The following ETV7 variants were observed in gnomAD, a reference collection of about 807,000 sequenced individuals.
ETV7 encodes the protein ETS variant transcription factor 7.
In ETV7, 43 loss-of-function variants were observed where a neutral mutation model predicts 39.1. The ratio of observed to expected loss-of-function variants is 1.10; its 90% CI spans 0.86 to 1.42. The LOEUF (loss-of-function observed/expected upper bound fraction) is 1.42. ETV7 is among the 40% of genes most tolerant of loss of function. The pLI is 0.00. For missense variants in ETV7, 432 were observed against 442.3 expected, an observed-to-expected ratio of 0.98 and a Z score of 0.21; for synonymous variants, 196 against 176.6, an observed-to-expected ratio of 1.11 and a Z score of -0.87.
intron 2 of ETV7, among the ~76,000 whole-genome samples, chr6:36,377,069 G>A (rs1028999838): frequency 2.6e-5 from 4 of 152,142 alleles, no homozygotes; most frequent in African/African-American, 7.2e-5. Flanking sequence ...ACTTTGCCTG[G>A]GACTGCTACG....
chr6:36,354,181 T>C (rs961248587), exon 8 of ETV7: 2 of 145,062 alleles, frequency 1.4e-5, no homozygotes, highest in African/African-American at 2.6e-5. Flanking sequence ...TTGGAGATAT[T>C]TTCTCCCATC....
At chr6:36,371,303 T>C (rs757328563) in intron 5 of ETV7, 27 bp downstream of exon 5, 4 of 1,554,982 alleles carry the variant, frequency 2.6e-6, no homozygotes, top group South Asian at 2.3e-5. Context: ...GCACCTTCCA[T>C]GGCCAGAGGA....
Position 36,373,561 on chromosome 6 carries a change from G to T in ETV7, c.325C>A (p.Leu109Met). 1.1e-6 allele frequency: 1 copy of T among 946,404 alleles called. No homozygotes were observed. Among genetic ancestry groups the T allele is most frequent in the Admixed American group, 2.7e-5 (1 of 37,520 alleles). The allele number at this position is 946,404 out of a possible 1,614,324, so 58.6% of individuals were successfully genotyped here. The change falls in exon 4 of 8, where the codon CTG (leucine) becomes ATG (methionine). Residue 109 changes from leucine (L) to methionine (M), a missense_variant. Coordinates refer to ENST00000340181, the MANE Select transcript of ETV7 (RefSeq NM_016135.4). ...CGCTGGGTCTTGATGTACTGGAGCA[G>T]CTCATACAGGACGTCACCTGGAGGT... Reference protein sequence around the residue: ...APSSGDVLYELLQYIKTQRRA... With the variant: ...APSSGDVLYEMLQYIKTQRRA...
exon 8 of ETV7, chr6:36,354,671 T>A: frequency 1.4e-6 from 1 of 699,098 alleles, no homozygotes; most frequent in Non-Finnish European, 2.6e-6. Context: ...AATATGAAGA[T>A]CAGCTGAAGT....
At chr6:36,364,453 C>T (rs917091855), downstream of ETV7, among the ~76,000 whole-genome samples, 9 of 152,252 alleles carry the variant, frequency 5.9e-5, no homozygotes, top group African/African-American at 2.2e-4. Context: ...CCCAGTACAC[C>T]CTCCGCAGCC....
intron 4 of ETV7, among the ~76,000 whole-genome samples, chr6:36,372,450 T>A (rs1285804680): frequency 6.6e-6 from 1 of 151,716 alleles, no homozygotes; most frequent in East Asian, 1.9e-4. Flanking sequence ...CTTCTGAAAC[T>A]CTCTGTGCTG....
downstream of ETV7, among the ~76,000 whole-genome samples, chr6:36,364,267 G>A (rs557345770): frequency 2.0e-5 from 3 of 152,354 alleles, no homozygotes; most frequent in South Asian, 2.1e-4. Context: ...GGGACTGGGC[G>A]CTGTGGAGCA....
chr6:36,360,763 C>T (rs1165148927), intron 7 of ETV7, among the ~76,000 whole-genome samples: 1 of 152,168 alleles, frequency 6.6e-6, no homozygotes, highest in Non-Finnish European at 1.5e-5. Context: ...GTCTCCCTGA[C>T]CCCCTCAAGG....
At chr6:36,376,996 G>C (rs879743429) in intron 2 of ETV7, among the ~76,000 whole-genome samples, 1 of 152,142 alleles carries the variant, frequency 6.6e-6, no homozygotes, top group Non-Finnish European at 1.5e-5. Context: ...CTCACCTTCA[G>C]TGCATGTGTT....
intron 7 of ETV7, 24 bp from the exon 8 acceptor site, chr6:36,366,786 A>C (rs1772745348): frequency 6.2e-7 from 1 of 1,613,830 alleles, no homozygotes; most frequent in Admixed American, 1.7e-5. Context: ...CCCAACTGCA[A>C]ATCAGCTCCT....
In ETV7 at chr6:36,366,265, T is replaced by A; in HGVS notation, c.*380A>T. On this transcript the variant is annotated 3_prime_UTR_variant, in exon 8 of 8. Transcript: ENST00000340181. ...GGAAGCACTAACACTTTTTCCCATT[T>A]CCTGCCTCAGCCCATTTCACAGGTG... 2 of 1,056,766 alleles carry A rather than the reference T, an allele frequency of 1.9e-6. No individual in the cohort carries two copies. Among genetic ancestry groups the A allele is most frequent in the South Asian group, 3.7e-5 (1 of 27,056 alleles). 65.5% of individuals were successfully genotyped at this position (1,056,766 alleles called of 1,614,324 possible). A position where few individuals can be genotyped will look rare whatever the true frequency, so the allele number is the denominator to read the frequency against.
Position 36,371,605 on chromosome 6 carries a change from G to A in ETV7, c.434-45C>T, listed in dbSNP as rs371733268. 31 of 1,493,122 alleles carry A rather than the reference G, an allele frequency of 2.1e-5. No homozygotes were observed. In the African/African-American group the frequency reaches 3.9e-4, roughly 19 times the overall value. 92.5% of individuals were successfully genotyped at this position (1,493,122 alleles called of 1,614,324 possible). A position where few individuals can be genotyped will look rare whatever the true frequency, so the allele number is the denominator to read the frequency against. ...AGTGGTAGCAGGCAGTGGGCCCCAA[G>A]CCTCCCCAACTCAATCCCTCAATGG... On this transcript the variant is annotated intron_variant, in intron 4 of 7. Coordinates refer to ENST00000340181, the MANE Select transcript of ETV7 (RefSeq NM_016135.4).
At chr6:36,385,240 C>G (rs1401365930) in intron 2 of ETV7, among the ~76,000 whole-genome samples, 1 of 152,116 alleles carries the variant, frequency 6.6e-6, no homozygotes, top group Non-Finnish European at 1.5e-5. Context: ...CTTTGAGAGG[C>G]AGAGGCGAGA....
At chr6:36,376,488 G>A (rs1482146836) in intron 2 of ETV7, among the ~76,000 whole-genome samples, 1 of 152,164 alleles carries the variant, frequency 6.6e-6, no homozygotes, top group African/African-American at 2.4e-5. Flanking sequence ...AATGAAAGGG[G>A]TGTTACTGGC....
rs553579493 is a variant in ETV7 at position 36,379,168 on chromosome 6, A to T, written c.143-3133T>A. Among the ~76,000 whole-genome samples, 5 of 152,332 alleles carry T rather than the reference A, an allele frequency of 3.3e-5. No individual in the cohort carries two copies. In the East Asian group the frequency reaches 9.7e-4, roughly 29 times the overall value. ...TCCGCGGCTAGGGTGTCAACCGCCA[A>T]TTGCATTGTACCTGAACTCATATTT... On this transcript the variant is annotated intron_variant, in intron 2 of 7. Transcript: ENST00000340181.
At chr6:36,369,453 G>T (rs1328252874) in intron 5 of ETV7, among the ~76,000 whole-genome samples, 1 of 152,184 alleles carries the variant, frequency 6.6e-6, no homozygotes, top group East Asian at 1.9e-4. Flanking sequence ...CTGACCCCAG[G>T]TCCCTCTCTG....
At chr6:36,367,519 C>CCTA (rs1554146288) in intron 6 of ETV7, among the ~76,000 whole-genome samples, 1 of 152,072 alleles carries the variant, frequency 6.6e-6, no homozygotes, top group Non-Finnish European at 1.5e-5. Context: ...GGTTCTCCTG[C>CCTA]CTACTTGGCT....
intron 2 of ETV7, among the ~76,000 whole-genome samples, chr6:36,380,794 G>C (rs1773612908): frequency 6.6e-6 from 1 of 152,082 alleles, no homozygotes; most frequent in Non-Finnish European, 1.5e-5. Context: ...AAAATAAATT[G>C]CTTAAATAAG....
At chr6:36,356,183 C>T (rs1046114739) in intron 7 of ETV7, among the ~76,000 whole-genome samples, 2 of 151,962 alleles carry the variant, frequency 1.3e-5, no homozygotes, top group Non-Finnish European at 2.9e-5. Flanking sequence ...CCTGTAATCC[C>T]TTCTCTTTGG....
Sources: gnomAD v4.1 joint callset for allele counts (sites outside exome capture counted in the v4.1 genomes callset) on GRCh38, gnomAD v4.1.1 for gene constraint, MANE v1.5 for transcripts, NCBI Gene and HGNC (gene_info 2026-07-23, HGNC 2026-07-21) for gene names.